DEPDC5: variants seen among roughly 807,000 people sequenced by gnomAD.
The protein encoded by DEPDC5 is GATOR1 complex protein DEPDC5.
A neutral mutation model predicts 217.3 loss-of-function variants in DEPDC5; 73 were observed. The ratio of observed to expected loss-of-function variants is 0.34; its 90% CI spans 0.28 to 0.41. DEPDC5 has a LOEUF of 0.41. Ranked by LOEUF, DEPDC5 falls within the 10% of genes least tolerant of loss-of-function variation. DEPDC5 has a pLI of 1.00. For synonymous variants in DEPDC5, 733 were observed against 756.7 expected (o/e 0.97, Z 0.51); for missense variants, 1,675 against 2,070.1 (o/e 0.81, Z 3.70).
intron 3 of DEPDC5, 63 bp from the exon 4 acceptor site, chr22:31,760,593 A>G: frequency 4.1e-6 from 6 of 1,466,412 alleles, no homozygotes; most frequent in Non-Finnish European, 4.7e-6. Context: ...TTTGTCGGGG[A>G]TGAAGGTTGC....
At chr22:31,872,065 T>TAGTCTGGGACTGAGGAAAGGGA (rs1459867811) in intron 34 of DEPDC5, among the ~76,000 whole-genome samples, 1 of 152,128 alleles carries the variant, frequency 6.6e-6, no homozygotes, top group Non-Finnish European at 1.5e-5. Flanking sequence ...TCATGAAGAG[T>TAGTCTGGGACTGAGGAAAGGGA]AGTCTGGGAC....
At position 31,794,129 on chromosome 22, in the gene DEPDC5, G is replaced by A. The variant is rs571388942; in HGVS notation, c.767+1312G>A. On this transcript the variant is annotated intron_variant, in intron 12 of 42. Transcript: ENST00000651528. ...GACACAGTCAATCTAGTTCAGAGTC[G>A]ATGCTTTTTGACCACTGTATTCCTC... is the stretch of plus-strand genomic sequence containing the variant. 3.9e-5 allele frequency among the ~76,000 whole-genome samples: 6 copies of A among 152,226 alleles called. No individual in the cohort carries two copies. The East Asian group carries it at 5.8e-4, about 15-fold the overall frequency.
intron 27 of DEPDC5, among the ~76,000 whole-genome samples, chr22:31,840,149 T>G (rs1039920740): frequency 2.0e-5 from 3 of 152,152 alleles, no homozygotes; most frequent in Non-Finnish European, 4.4e-5. Context: ...GGAGAAGTCA[T>G]GGGGCTGTCA....
rs956184872 is a variant in DEPDC5, at chr22:31,805,819, C to T, written c.1218-303C>T. Among the ~76,000 whole-genome samples, 9 of 152,056 alleles carry T rather than the reference C, an allele frequency of 5.9e-5. No homozygotes were observed. In the South Asian group the frequency reaches 1.0e-3, roughly 18 times the overall value. On this transcript the variant is annotated intron_variant, in intron 17 of 42. Transcript: ENST00000651528. ...ACCTACAAAAGTAGCAATTTCAGGC[C>T]GGTCACAGTGGCTCATGCCTGTAAT...
intron 31 of DEPDC5, chr22:31,852,829 T>C (rs995416113): frequency 6.6e-6 from 1 of 152,262 alleles, no homozygotes; most frequent in Non-Finnish European, 1.5e-5. Flanking sequence ...AAGTGGTTTT[T>C]TCGGAGATGA....
At chr22:31,885,326 C>T (rs1234051438) in intron 38 of DEPDC5, among the ~76,000 whole-genome samples, 2 of 152,202 alleles carry the variant, frequency 1.3e-5, no homozygotes, top group Admixed American at 6.5e-5. Flanking sequence ...TCCGTGAACA[C>T]GCCGTGCACA....
At position 31,804,112 on chromosome 22, in the gene DEPDC5, T is replaced by C. The variant is rs773111577; in HGVS notation, c.1082-50T>C. On this transcript the variant is annotated intron_variant, in intron 15 of 42. Transcript: ENST00000651528. ...AACATGATTTATAGATAGGGACACT[T>C]GTCTCTGCCATTCCCTCCCCACAAT... 5.7e-6 allele frequency: 9 copies of C among 1,576,114 alleles called. No homozygotes were observed. In the African/African-American group the frequency reaches 1.2e-4, roughly 21 times the overall value.
chr22:31,794,104 GAC>G (rs2085981010), intron 12 of DEPDC5, among the ~76,000 whole-genome samples: 2 of 152,154 alleles, frequency 1.3e-5, no homozygotes, highest in Admixed American at 6.5e-5. Context: ...GCATGGACCT[GAC>G]ACAGTCAATC....
chr22:31,786,118 G>T (rs931970729), intron 10 of DEPDC5, among the ~76,000 whole-genome samples: 1 of 151,800 alleles, frequency 6.6e-6, no homozygotes, highest in Non-Finnish European at 1.5e-5. Flanking sequence ...TTAGCCAGGC[G>T]TGGTGGTTGG....
intron 7 of DEPDC5, among the ~76,000 whole-genome samples, chr22:31,774,062 A>G (rs747960862): frequency 2.2e-4 from 34 of 152,122 alleles, no homozygotes; most frequent in Admixed American, 5.9e-4. Flanking sequence ...CAAGAACGAA[A>G]CCCTGTCTCA....
At chr22:31,815,814 C>A in intron 21 of DEPDC5, 2 of 1,223,102 alleles carry the variant, frequency 1.6e-6, no homozygotes, top group Non-Finnish European at 2.0e-6. Flanking sequence ...CAGGCATGAA[C>A]CAATGTTACC....
chr22:31,774,077 A>G (rs1293532147), intron 7 of DEPDC5, among the ~76,000 whole-genome samples: 3 of 152,174 alleles, frequency 2.0e-5, no homozygotes, highest in Non-Finnish European at 4.4e-5. Context: ...GTCTCAAAAA[A>G]ACAAAACAAA....
Position 31,838,845 on chromosome 22 carries a change from G to A in DEPDC5, c.2515G>A (p.Gly839Ser), listed in dbSNP as rs1460682937. The A allele has an allele frequency of 6.2e-7, 1 of 1,609,468 alleles. No individual in the cohort carries two copies. Among genetic ancestry groups the A allele is most frequent in the Non-Finnish European group, 8.5e-7 (1 of 1,177,220 alleles). ...GAGCAGTAGCCCACTCTATAGCCGA[G>A]GTGAGTTTTTCTCCTTGGATTTCTA... ...PLSSSPLYSR[G>S]LVSRNRPEEE... is the part of the protein sequence containing the mutation. Residue 839 changes from glycine (G) to serine (S), a missense_variant and splice_region_variant, in exon 27 of 43, where the codon GGC becomes AGC. Gly to Ser is a moderately conservative substitution (Grantham distance 56). Coordinates refer to ENST00000651528, the MANE Select transcript of DEPDC5 (RefSeq NM_001242896.3).
At chr22:31,761,953 G>A (rs1445690854) in intron 4 of DEPDC5, among the ~76,000 whole-genome samples, 2 of 143,514 alleles carry the variant, frequency 1.4e-5, no homozygotes, top group Non-Finnish European at 3.0e-5. Flanking sequence ...GGGCGACAGA[G>A]CGAGACTCCG....
At chr22:31,768,712 T>C in intron 6 of DEPDC5, 102 bp from the exon 7 acceptor site, 1 of 1,007,150 alleles carries the variant, frequency 9.9e-7, no homozygotes, top group African/African-American at 1.6e-5. Flanking sequence ...GGAGTTCTTG[T>C]TTGTGATTTT....
intron 3 of DEPDC5, among the ~76,000 whole-genome samples, chr22:31,759,752 G>A (rs1183118896): frequency 2.1e-5 from 3 of 145,552 alleles, no homozygotes; most frequent in Admixed American, 1.4e-4. Context: ...GTGCCACCTC[G>A]GCTCACTGCA....
intron 12 of DEPDC5, among the ~76,000 whole-genome samples, chr22:31,793,565 G>T (rs1359032953): frequency 1.3e-5 from 2 of 151,218 alleles, no homozygotes; most frequent in East Asian, 1.9e-4. Flanking sequence ...CATGTTTAAC[G>T]TTATTATTAT....
At chr22:31,811,757 G>C (rs990281673) in intron 20 of DEPDC5, among the ~76,000 whole-genome samples, 1 of 151,954 alleles carries the variant, frequency 6.6e-6, no homozygotes, top group African/African-American at 2.4e-5. Context: ...CATATTGCCA[G>C]GCTGGTCTCA....
intron 39 of DEPDC5, chr22:31,894,899 T>C (rs1356665287): frequency 1.4e-5 from 2 of 147,504 alleles, no homozygotes; most frequent in African/African-American, 5.0e-5. Context: ...ACGCCTGTAA[T>C]CCCGGGCCGA....
Sources: allele counts gnomAD v4.1 joint callset (sites outside exome capture counted in the v4.1 genomes callset), GRCh38; gene constraint gnomAD v4.1.1; transcripts MANE v1.5; gene names NCBI Gene and HGNC (gene_info 2026-07-23, HGNC 2026-07-21).